ANTXR2: variants seen among roughly 807,000 people sequenced by gnomAD.
ANTXR2 encodes the protein anthrax toxin receptor 2.
In ANTXR2, 44 loss-of-function variants were observed where a neutral mutation model predicts 73.7. That is an observed-to-expected ratio of 0.60 (90% confidence interval 0.47 to 0.77). The LOEUF (loss-of-function observed/expected upper bound fraction) is 0.77. Among genes scored for constraint, ANTXR2 ranks in the 30% least tolerant of loss-of-function variants. ANTXR2 has a pLI of 0.00. For missense variants in ANTXR2, 604 were observed against 592.5 expected, an observed-to-expected ratio of 1.02 and a Z score of -0.20; for synonymous variants, 217 against 205.9, an observed-to-expected ratio of 1.05 and a Z score of -0.46.
intron 10 of ANTXR2, among the ~76,000 whole-genome samples, chr4:80,019,565 A>C (rs1732057365): frequency 6.6e-6 from 1 of 152,230 alleles, no homozygotes; most frequent in South Asian, 2.1e-4. Flanking sequence ...CAGGTTCACA[A>C]AAACCTACAA....
intron 16 of ANTXR2, among the ~76,000 whole-genome samples, chr4:79,927,079 G>A (rs1454572285): frequency 7.5e-6 from 1 of 134,054 alleles, no homozygotes; most frequent in Non-Finnish European, 1.7e-5. Flanking sequence ...ATATATATAT[G>A]AATATTATTC....
chr4:79,902,778 C>T lies in ANTXR2; in HGVS notation c.*4651G>A, dbSNP rs962026390. 2.0e-5 allele frequency: 3 copies of T among 150,908 alleles called. No individual in the cohort carries two copies. Among genetic ancestry groups the T allele is most frequent in the Non-Finnish European group, 4.4e-5 (3 of 67,868 alleles). 9.3% of individuals were successfully genotyped at this position (150,908 alleles called of 1,614,324 possible). On this transcript the variant is annotated 3_prime_UTR_variant, in exon 17 of 17. Coordinates refer to ENST00000403729, the MANE Select transcript of ANTXR2 (RefSeq NM_058172.6). ...ACAGAACTAATATTACCACACACTACAGACAAAGAAGCCAGTCATATTGAT... is the reference window on the plus strand; with the variant it reads ...ACAGAACTAATATTACCACACACTATAGACAAAGAAGCCAGTCATATTGAT...
intron 16 of ANTXR2, among the ~76,000 whole-genome samples, chr4:79,912,642 T>G (rs1487237567): frequency 6.6e-6 from 1 of 152,084 alleles, no homozygotes; most frequent in Non-Finnish European, 1.5e-5. Context: ...CTTTAAAAAC[T>G]TACATTCTTT....
chr4:80,046,689 C>T lies in ANTXR2; in HGVS notation c.636+7583G>A, dbSNP rs569439777. ...GCAAATGAAATGTTTCCCTATGCAA[C>T]AATAATAGAAAAAATATCTTACTAA... On this transcript the variant is annotated intron_variant, in intron 7 of 16. Coordinates refer to ENST00000403729, the MANE Select transcript of ANTXR2 (RefSeq NM_058172.6). Among the ~76,000 whole-genome samples, 19 of 151,732 alleles carry T rather than the reference C, an allele frequency of 1.3e-4. No homozygotes were observed. The Middle Eastern group carries it at 0.017, about 136-fold the overall frequency.
At chr4:79,976,269 C>G (rs1439023962) in intron 16 of ANTXR2, among the ~76,000 whole-genome samples, 1 of 152,134 alleles carries the variant, frequency 6.6e-6, no homozygotes, top group Non-Finnish European at 1.5e-5. Flanking sequence ...AGTTTATTCC[C>G]TTGTTAAAAC....
chr4:79,980,344 T>C (rs1430171840), intron 14 of ANTXR2, among the ~76,000 whole-genome samples: 3 of 152,148 alleles, frequency 2.0e-5, no homozygotes, highest in African/African-American at 7.2e-5. Flanking sequence ...TAAATATACA[T>C]ATATATGTGT....
At chr4:80,013,735 A>C (rs1010822800) in intron 11 of ANTXR2, among the ~76,000 whole-genome samples, 1 of 152,186 alleles carries the variant, frequency 6.6e-6, no homozygotes, top group East Asian at 1.9e-4. Flanking sequence ...ATAAATCAGC[A>C]GGTGCATCTC....
In ANTXR2 at chr4:80,055,970, G is replaced by C. The variant is rs1432104811; in HGVS notation, c.340C>G (p.Pro114Ala). The stretch of plus-strand genomic sequence containing the variant: ...TCATGGATATATGTCTCTCCTACTG[G>C]ACTAACACGTTTTAAATCCTCCAAG... ...KGLEDLKRVS[P>A]VGETYIHEGL... The change falls in exon 4 of 17, where the codon CCA becomes GCA. Residue 114 changes from proline to alanine, a missense_variant. Coordinates refer to ENST00000403729, the MANE Select transcript of ANTXR2 (RefSeq NM_058172.6). The C allele has an allele frequency of 1.3e-6, 2 of 1,569,678 alleles. No individual in the cohort carries two copies. The highest frequency in any genetic ancestry group is 1.7e-6 in the Non-Finnish European group (2 of 1,157,742).
intron 16 of ANTXR2, among the ~76,000 whole-genome samples, chr4:79,953,181 T>C (rs975318620): frequency 2.6e-5 from 4 of 152,122 alleles, no homozygotes; most frequent in African/African-American, 9.7e-5. Context: ...ATCAAAAAAA[T>C]AGCTGGCAGC....
chr4:80,068,078 T>G (rs1281072295), intron 3 of ANTXR2, among the ~76,000 whole-genome samples: 1 of 152,140 alleles, frequency 6.6e-6, no homozygotes, highest in Non-Finnish European at 1.5e-5. Context: ...CAGGGAGATT[T>G]TCCTCTCTAG....
chr4:79,927,461 C>T (rs1727866015), intron 16 of ANTXR2, among the ~76,000 whole-genome samples: 1 of 152,144 alleles, frequency 6.6e-6, no homozygotes, highest in Admixed American at 6.5e-5. Context: ...TCTGCAGATG[C>T]TCAAGTCCCT....
chr4:79,964,492 G>T (rs1729272742), intron 16 of ANTXR2, among the ~76,000 whole-genome samples: 1 of 152,300 alleles, frequency 6.6e-6, no homozygotes, highest in South Asian at 2.1e-4. Flanking sequence ...ATCTGTACCT[G>T]CTGTCCCCTG....
chr4:79,989,761 G>A (rs188994036), intron 12 of ANTXR2, among the ~76,000 whole-genome samples: 1 of 152,174 alleles, frequency 6.6e-6, no homozygotes, highest in African/African-American at 2.4e-5. Context: ...AAATCTAGCA[G>A]TGTATCAAAA....
At chr4:80,032,362 G>A (rs1376339827) in intron 9 of ANTXR2, among the ~76,000 whole-genome samples, 2 of 151,702 alleles carry the variant, frequency 1.3e-5, no homozygotes, top group East Asian at 3.9e-4. Context: ...ATCAAAAGGA[G>A]CTAGGTGAAG....
chr4:80,071,599 C>T lies in ANTXR2; in HGVS notation c.208G>A (p.Ala70Thr), dbSNP rs1375736258. 1 of 1,612,652 alleles carries T rather than the reference C, an allele frequency of 6.2e-7. No homozygotes were observed. Among genetic ancestry groups the T allele is most frequent in the African/African-American group, 1.3e-5 (1 of 74,888 alleles). Residue 70 changes from alanine to threonine, a missense_variant, in exon 2 of 17, where the codon GCG becomes ACG. Ala to Thr is a moderately conservative substitution (Grantham distance 58, BLOSUM62 0). Transcript: ENST00000403729. The part of the protein sequence containing the change: ...IEIYNFVQQL[A>T]ERFVSPEMRL... Reference sequence around the variant, plus strand: ...GAAAGATACCTCACAAATCTCTCCGCAAGTTGCTGTACGAAATTATAAATT... The same window carrying T: ...GAAAGATACCTCACAAATCTCTCCGTAAGTTGCTGTACGAAATTATAAATT...
At position 80,055,148 on chromosome 4, in the gene ANTXR2, A is replaced by C; in HGVS notation, c.555+2T>G. On this transcript the variant is annotated splice_donor_variant, in intron 6 of 16. Coordinates refer to ENST00000403729, the MANE Select transcript of ANTXR2 (RefSeq NM_058172.6). LOFTEE classifies it high-confidence loss of function. ...AAAGTTTGCAGATCTCTTGTAACTTACCTGTGCTTGTTCAAAATCAAGGAC... is the reference window on the plus strand; with the variant it reads ...AAAGTTTGCAGATCTCTTGTAACTTCCCTGTGCTTGTTCAAAATCAAGGAC... The C allele has an allele frequency of 6.4e-7, 1 of 1,555,952 alleles. No homozygotes were observed. The highest frequency in any genetic ancestry group is 8.7e-7 in the Non-Finnish European group (1 of 1,148,096).
chr4:80,055,592 T>A, intron 4 of ANTXR2, 125 bp from the exon 5 acceptor site: 1 of 760,318 alleles, frequency 1.3e-6, no homozygotes, highest in Non-Finnish European at 2.2e-6. Context: ...TAAAACAGGG[T>A]AATTTGTGTT....
intron 14 of ANTXR2, among the ~76,000 whole-genome samples, chr4:79,981,300 C>G (rs1729879658): frequency 1.3e-5 from 2 of 152,088 alleles, no homozygotes; most frequent in Admixed American, 6.5e-5. Flanking sequence ...CATGAAGTGC[C>G]AACTTAACAG....
chr4:79,977,525 A>T, intron 16 of ANTXR2, 96 bp downstream of exon 16: 2 of 1,519,220 alleles, frequency 1.3e-6, no homozygotes, highest in African/African-American at 1.4e-5. Context: ...CTCAAGTGCA[A>T]TAGGGCTTTA....
Sources: allele counts gnomAD v4.1 joint callset (sites outside exome capture counted in the v4.1 genomes callset), GRCh38; gene constraint gnomAD v4.1.1; transcripts MANE v1.5; gene names NCBI Gene and HGNC (gene_info 2026-07-23, HGNC 2026-07-21).